Variants in PLXNA2 observed in about 807,000 individuals in gnomAD.
The protein encoded by PLXNA2 is plexin A2.
A neutral mutation model predicts 193.5 loss-of-function variants in PLXNA2; 91 were observed. That is an observed-to-expected ratio of 0.47 (90% CI 0.40 to 0.56). PLXNA2 has a LOEUF of 0.56. Ranked by LOEUF, PLXNA2 falls within the 20% of genes least tolerant of loss-of-function variation. PLXNA2 has a pLI of 0.00. For missense variants in PLXNA2, 1,995 were observed against 2,503.2 expected, an observed-to-expected ratio of 0.80 and a Z score of 4.33; for synonymous variants, 997 against 1,027.3, an observed-to-expected ratio of 0.97 and a Z score of 0.56.
chr1:208,163,230 C>T (rs1399452492), intron 3 of PLXNA2, among the ~76,000 whole-genome samples: 1 of 151,976 alleles, frequency 6.6e-6, no homozygotes, highest in Non-Finnish European at 1.5e-5. Flanking sequence ...TGGAGGGATG[C>T]CAAGACCTTG....
intron 1 of PLXNA2, among the ~76,000 whole-genome samples, chr1:208,241,664 C>A (rs551142058): frequency 6.6e-6 from 1 of 152,340 alleles, no homozygotes; most frequent in African/African-American, 2.4e-5. Flanking sequence ...AACTGCTTTG[C>A]AAGCCAGTTT....
At chr1:208,229,282 A>G (rs1448771348) in intron 1 of PLXNA2, among the ~76,000 whole-genome samples, 1 of 152,098 alleles carries the variant, frequency 6.6e-6, no homozygotes, top group Non-Finnish European at 1.5e-5. Flanking sequence ...TGCAGCATTG[A>G]GCTGTCTTTT....
At chr1:208,104,927 C>T (rs1667212656) in intron 4 of PLXNA2, among the ~76,000 whole-genome samples, 1 of 152,116 alleles carries the variant, frequency 6.6e-6, no homozygotes, top group Non-Finnish European at 1.5e-5. Flanking sequence ...TGAAATAGTT[C>T]AAGTGTGATA....
At chr1:208,088,810 A>G (rs1439965690) in intron 9 of PLXNA2, among the ~76,000 whole-genome samples, 2 of 152,228 alleles carry the variant, frequency 1.3e-5, no homozygotes, top group African/African-American at 2.4e-5. Context: ...CTGGATTGAC[A>G]ATTGTTAATA....
intron 13 of PLXNA2, among the ~76,000 whole-genome samples, chr1:208,056,574 C>G (rs1385637565): frequency 6.6e-6 from 1 of 152,198 alleles, no homozygotes; most frequent in East Asian, 1.9e-4. Flanking sequence ...GGCACACTGT[C>G]TCTTCTAGGA....
chr1:208,116,446 C>T (rs1667641667), intron 4 of PLXNA2, among the ~76,000 whole-genome samples: 1 of 152,206 alleles, frequency 6.6e-6, no homozygotes, highest in South Asian at 2.1e-4. Context: ...TTATTTTAAG[C>T]TCTTTAATCA....
chr1:208,226,338 A>G (rs1278361733), intron 1 of PLXNA2, among the ~76,000 whole-genome samples: 3 of 151,242 alleles, frequency 2.0e-5, no homozygotes, highest in Admixed American at 6.6e-5. Context: ...TCAGGGAGAG[A>G]TTTCTGTTGT....
chr1:208,124,795 A>G (rs1229304176), intron 4 of PLXNA2, among the ~76,000 whole-genome samples: 3 of 151,814 alleles, frequency 2.0e-5, no homozygotes, highest in Non-Finnish European at 2.9e-5. Flanking sequence ...TTTCTTTCCT[A>G]TACATTCAAA....
At chr1:208,076,855 G>A (rs1666165244) in intron 12 of PLXNA2, among the ~76,000 whole-genome samples, 1 of 152,150 alleles carries the variant, frequency 6.6e-6, no homozygotes, top group African/African-American at 2.4e-5. Flanking sequence ...CTAATTTCCT[G>A]ATTTTGATAA....
chr1:208,189,211 G>A (rs1187121162), intron 3 of PLXNA2, among the ~76,000 whole-genome samples: 1 of 152,176 alleles, frequency 6.6e-6, no homozygotes, highest in Non-Finnish European at 1.5e-5. Flanking sequence ...AACACTTCCA[G>A]CCACGTTGTG....
chr1:208,090,033 A>G (rs1035482815), intron 9 of PLXNA2, among the ~76,000 whole-genome samples: 9 of 152,340 alleles, frequency 5.9e-5, no homozygotes, highest in Admixed American at 3.9e-4. Flanking sequence ...GAAAAGGAAC[A>G]TGTGGCCAGC....
chr1:208,136,104 C>A (rs957205620), intron 4 of PLXNA2, among the ~76,000 whole-genome samples: 3 of 152,142 alleles, frequency 2.0e-5, no homozygotes, highest in African/African-American at 7.2e-5. Context: ...ACTTCCCAGA[C>A]ATGTAGGGGG....
rs1167694115 is a variant in PLXNA2 at position 208,038,342 on chromosome 1, T to C, written c.4764+29A>G. ...GCGGGAAGGGAACATTCTGGGAAGC[T>C]GAAGAGGGGAAAAGACACCCCCTCT... On this transcript the variant is annotated intron_variant, in intron 26 of 31. Transcript: ENST00000367033. This position sits in a 1 kb window ranked among gnomAD's most constrained non-coding sequence, Gnocchi z 4.1. 1 of 1,452,282 alleles carries C rather than the reference T, an allele frequency of 6.9e-7. No homozygotes were observed. The highest frequency in any genetic ancestry group is 1.7e-5 in the Admixed American group (1 of 59,798). 90.0% of individuals were successfully genotyped at this position (1,452,282 alleles called of 1,614,324 possible).
intron 4 of PLXNA2, among the ~76,000 whole-genome samples, chr1:208,105,796 C>T (rs1667252992): frequency 6.6e-6 from 1 of 152,186 alleles, no homozygotes; most frequent in African/African-American, 2.4e-5. Flanking sequence ...TGGTCCAGTG[C>T]CTAGCCTCCT....
At chr1:208,090,571 C>G (rs1376168121) in intron 9 of PLXNA2, among the ~76,000 whole-genome samples, 1 of 152,104 alleles carries the variant, frequency 6.6e-6, no homozygotes, top group African/African-American at 2.4e-5. Flanking sequence ...CCACACACAC[C>G]CCAGCAGAGT....
intron 6 of PLXNA2, 74 bp downstream of exon 6, chr1:208,098,772 G>T (rs1666998787): frequency 6.6e-7 from 1 of 1,518,842 alleles, no homozygotes; most frequent in African/African-American, 1.4e-5. Context: ...ACTTGTGCAA[G>T]CGTGAATGGA....
At chr1:208,186,821 G>A (rs1670021714) in intron 3 of PLXNA2, among the ~76,000 whole-genome samples, 2 of 150,676 alleles carry the variant, frequency 1.3e-5, no homozygotes, top group Non-Finnish European at 1.5e-5. Flanking sequence ...CCGGGTTCAC[G>A]CCATTCTCCT....
At chr1:208,103,006 C>G (rs2296732) in intron 5 of PLXNA2, 141 bp downstream of exon 5, 12,181 of 689,546 alleles carry the variant, frequency 0.018, 509 homozygotes, top group East Asian at 0.11. Context: ...TCTTCCTGCT[C>G]TCAACACTGA....
chr1:208,143,471 C>G (rs607857), intron 3 of PLXNA2, among the ~76,000 whole-genome samples: 145,456 of 152,320 alleles, frequency 0.95, 69,790 homozygotes, highest in East Asian at 1. Flanking sequence ...CCCTTATGTT[C>G]AATGCTGACC....
Sources: allele counts gnomAD v4.1 joint callset (sites outside exome capture counted in the v4.1 genomes callset), GRCh38; gene constraint gnomAD v4.1.1; non-coding constraint Gnocchi (gnomAD v3.1); transcripts MANE v1.5; gene names NCBI Gene and HGNC (gene_info 2026-07-23, HGNC 2026-07-21).